The following COL9A1 variants were observed in gnomAD, a reference collection of about 807,000 sequenced individuals.
The protein encoded by COL9A1 is collagen alpha-1(IX) chain.
COL9A1 carries 104 observed loss-of-function variants against 142.6 expected under a neutral mutation model. The observed-to-expected ratio is 0.73, with a 90% CI of 0.62 to 0.86. The LOEUF (loss-of-function observed/expected upper bound fraction) is 0.86. Ranked by LOEUF, COL9A1 falls within the 40% of genes least tolerant of loss-of-function variation. The probability of loss-of-function intolerance (pLI) is 0.00; values close to 1 mark genes in which losing one functional copy is unlikely to be tolerated. For missense variants in COL9A1, 1,210 were observed against 1,176.6 expected (o/e 1.03, Z -0.42); for synonymous variants, 466 against 396.0 (o/e 1.18, Z -2.10).
intron 10 of COL9A1, 200 bp from the exon 11 acceptor site, chr6:70,274,972 T>A (rs1772662110): frequency 8.6e-6 from 5 of 580,954 alleles, no homozygotes; most frequent in Non-Finnish European, 1.5e-5. Context: ...GATTATTTCT[T>A]CTTGATAAGT....
rs1198674447 is a variant in COL9A1 at position 70,268,845 on chromosome 6, G to T, written c.1246C>A (p.Pro416Thr). Residue 416 changes from proline (P) to threonine (T), a missense_variant, in exon 17 of 38, where the codon CCA becomes ACA. Physicochemically the swap from Pro to Thr is conservative, Grantham distance 38. Coordinates refer to ENST00000357250, the MANE Select transcript of COL9A1 (RefSeq NM_001851.6). The stretch of plus-strand genomic sequence containing the variant: ...CCTGGATATCCTGAGCGACCTGGTG[G>T]ACAGGCATTGGGACACTGCCAGGGA... ...DGDPLCPNAC[P>T]PGRSGYPGLP... 9.9e-6 allele frequency: 16 copies of T among 1,613,756 alleles called. No homozygotes were observed. Among genetic ancestry groups the T allele is most frequent in the Middle Eastern group, 1.6e-4 (1 of 6,084 alleles).
intron 10 of COL9A1, among the ~76,000 whole-genome samples, chr6:70,276,865 C>T (rs1772796318): frequency 6.6e-6 from 1 of 152,200 alleles, no homozygotes; most frequent in African/African-American, 2.4e-5. Context: ...TCCCTAACTG[C>T]ACAGTGTTCT....
intron 5 of COL9A1, among the ~76,000 whole-genome samples, chr6:70,287,323 T>G (rs982774697): frequency 1.3e-5 from 2 of 152,136 alleles, no homozygotes; most frequent in Non-Finnish European, 2.9e-5. Context: ...TTATTTGGTA[T>G]ATTATTATTA....
intron 10 of COL9A1, among the ~76,000 whole-genome samples, chr6:70,275,732 T>G (rs1291723214): frequency 2.6e-5 from 4 of 152,116 alleles, no homozygotes; most frequent in African/African-American, 9.7e-5. Flanking sequence ...AAAGTATACC[T>G]TCCTAAAGAT....
At position 70,230,546 on chromosome 6, in the gene COL9A1, C is replaced by T. The variant is rs148945809; in HGVS notation, c.2503+2037G>A. On this transcript the variant is annotated intron_variant, in intron 36 of 37. Coordinates refer to ENST00000357250, the MANE Select transcript of COL9A1 (RefSeq NM_001851.6). ...ACATGATCAAGCTATACTTGACAAACGAACTTAGTGCTAGAGCCATTTCCC... is the reference window on the plus strand; with the variant it reads ...ACATGATCAAGCTATACTTGACAAATGAACTTAGTGCTAGAGCCATTTCCC... 3.9e-4 allele frequency among the ~76,000 whole-genome samples: 60 copies of T among 152,224 alleles called. 1 individual carries two copies. The highest frequency in any genetic ancestry group is 1.5e-4 in the Non-Finnish European group (10 of 67,998).
intron 12 of COL9A1, among the ~76,000 whole-genome samples, chr6:70,272,504 T>C (rs1772473513): frequency 6.6e-6 from 1 of 152,126 alleles, no homozygotes; most frequent in African/African-American, 2.4e-5. Context: ...TAATAAATTA[T>C]GTTTAGAAGT....
rs1188848189 is a variant in COL9A1 at position 70,241,523 on chromosome 6, T to TTGGG, written c.1999-73_1999-70dup. ...TTTATATAATTTCAAGTGAACCTTA[T>TTGGG]TGGGTGGGTGGATAAGCACAAGTAC... On this transcript the variant is annotated intron_variant, in intron 30 of 37. Coordinates refer to ENST00000357250, the MANE Select transcript of COL9A1 (RefSeq NM_001851.6). 3 of 1,329,064 alleles carry TTGGG rather than the reference T, an allele frequency of 2.3e-6. No individual in the cohort carries two copies. In the African/African-American group the frequency reaches 4.4e-5, roughly 19 times the overall value. 82.3% of individuals were successfully genotyped at this position (1,329,064 alleles called of 1,614,324 possible). A position where few individuals can be genotyped will look rare whatever the true frequency, so the allele number is the denominator to read the frequency against.
intron 5 of COL9A1, among the ~76,000 whole-genome samples, chr6:70,293,615 C>CCT (rs373493811): frequency 1.4e-5 from 2 of 144,438 alleles, no homozygotes; most frequent in Non-Finnish European, 3.0e-5. Flanking sequence ...GTCTCACCCT[C>CCT]CTCTCTCTCT....
At chr6:70,275,160 A>G (rs1772676862) in intron 10 of COL9A1, 1 of 227,520 alleles carries the variant, frequency 4.4e-6, no homozygotes, top group Non-Finnish European at 8.7e-6. Context: ...CCTTTACTTC[A>G]TTTATGAAAC....
At position 70,255,407 on chromosome 6, in the gene COL9A1, T is replaced by C. The variant is rs1771216881; in HGVS notation, c.1504-17A>G. 1 of 1,613,124 alleles carries C rather than the reference T, an allele frequency of 6.2e-7. No individual in the cohort carries two copies. The highest frequency in any genetic ancestry group is 8.5e-7 in the Non-Finnish European group (1 of 1,179,136). On this transcript the variant is annotated splice_polypyrimidine_tract_variant and intron_variant, in intron 21 of 37. Coordinates refer to ENST00000357250, the MANE Select transcript of COL9A1 (RefSeq NM_001851.6). ...TTGATCACCCTGTATGAAAATAAAA[T>C]TTTGTTAATACAAGAAAAAGTTACT...
chr6:70,282,452 A>G lies in COL9A1; in HGVS notation c.801+446T>C, dbSNP rs370632618. Among the ~76,000 whole-genome samples the G allele has an allele frequency of 4.6e-5, 7 of 152,056 alleles. No individual in the cohort carries two copies. The East Asian group carries it at 1.2e-3, about 25-fold the overall frequency. ...CAAGTTCCGTCCCGGAGCCGCCAGCACCGCTAGCTGGACTCGGGGTTAGTG... is the reference window on the plus strand; with the variant it reads ...CAAGTTCCGTCCCGGAGCCGCCAGCGCCGCTAGCTGGACTCGGGGTTAGTG... On this transcript the variant is annotated intron_variant, in intron 7 of 37. Coordinates refer to ENST00000357250, the MANE Select transcript of COL9A1 (RefSeq NM_001851.6).
At chr6:70,232,268 C>T (rs2127557322) in intron 36 of COL9A1, among the ~76,000 whole-genome samples, 1 of 152,200 alleles carries the variant, frequency 6.6e-6, no homozygotes, top group Middle Eastern at 3.4e-3. Flanking sequence ...TAAAAAATAG[C>T]TGAATGATCG....
chr6:70,277,967 G>A (rs1370579579), intron 10 of COL9A1, among the ~76,000 whole-genome samples: 1 of 152,102 alleles, frequency 6.6e-6, no homozygotes, highest in East Asian at 1.9e-4. Flanking sequence ...AGCAAATTCT[G>A]ACCCAGTTAC....
intron 10 of COL9A1, among the ~76,000 whole-genome samples, chr6:70,278,584 T>C (rs531798044): frequency 2.0e-5 from 3 of 152,326 alleles, no homozygotes; most frequent in South Asian, 4.1e-4. Flanking sequence ...TTTTCTCCCC[T>C]TTCCTCTCTT....
intron 18 of COL9A1, among the ~76,000 whole-genome samples, chr6:70,266,338 A>G (rs1002321202): frequency 4.6e-5 from 7 of 152,222 alleles, no homozygotes; most frequent in African/African-American, 1.7e-4. Flanking sequence ...AGTCTCAGCA[A>G]CACTTGTCAT....
chr6:70,218,011 T>C (rs1768635027), intron 37 of COL9A1, among the ~76,000 whole-genome samples: 1 of 152,122 alleles, frequency 6.6e-6, no homozygotes, highest in South Asian at 2.1e-4. Context: ...GGTATGGTGG[T>C]GTATGCCTGT....
At position 70,234,821 on chromosome 6, in the gene COL9A1, G is replaced by T. The variant is rs751249539; in HGVS notation, c.2232C>A (p.Thr744=). Residue 744 remains threonine (T), a synonymous_variant, in exon 34 of 38, where the codon ACC becomes ACA. Transcript: ENST00000357250. ...GAGGGCCCTGGACACCAGGCAGGCC[G>T]GTGGCACCCTGTTCTCCCTGCACAC... The part of the protein sequence containing the change: ...PRGVQGEQGA[T]GLPGVQGPPG... 1 of 1,613,978 alleles carries T rather than the reference G, an allele frequency of 6.2e-7. No homozygotes were observed. Among genetic ancestry groups the T allele is most frequent in the Non-Finnish European group, 8.5e-7 (1 of 1,179,954 alleles).
In COL9A1 at chr6:70,302,982, G is replaced by A. The variant is rs1222823847; in HGVS notation, c.-58C>T. The A allele has an allele frequency of 8.3e-6, 13 of 1,574,852 alleles. No individual in the cohort carries two copies. The highest frequency in any genetic ancestry group is 1.0e-5 in the Non-Finnish European group (12 of 1,144,400). On this transcript the variant is annotated 5_prime_UTR_variant, in exon 1 of 38. Coordinates refer to ENST00000357250, the MANE Select transcript of COL9A1 (RefSeq NM_001851.6). ...TCCCTATGAAGAAGGGGTTGGAAGG[G>A]AGTCACTGTCCCCTCACGACCCCTT... is the stretch of plus-strand genomic sequence containing the variant.
chr6:70,280,492 C>G, intron 10 of COL9A1: 1 of 1,327,276 alleles, frequency 7.5e-7, no homozygotes, highest in South Asian at 1.7e-5. Context: ...TCCGTACCCC[C>G]TCTGGCCCCA....
Sources: allele counts gnomAD v4.1 joint callset (sites outside exome capture counted in the v4.1 genomes callset), GRCh38; gene constraint gnomAD v4.1.1; transcripts MANE v1.5; gene names NCBI Gene and HGNC (gene_info 2026-07-23, HGNC 2026-07-21).